RALB: variants seen among roughly 807,000 people sequenced by gnomAD.
The protein encoded by RALB is RAS like proto-oncogene B.
A neutral mutation model predicts 21.3 loss-of-function variants in RALB; 16 were observed. The ratio of observed to expected loss-of-function variants is 0.75; its 90% CI spans 0.51 to 1.14. The LOEUF (loss-of-function observed/expected upper bound fraction) is 1.14, where lower values mean the gene tolerates loss of function less well. RALB is among the 50% of genes most tolerant of loss of function. The probability of loss-of-function intolerance (pLI) is 0.00; values close to 1 mark genes in which losing one functional copy is unlikely to be tolerated. For synonymous variants in RALB, 93 were observed against 96.1 expected (o/e 0.97, Z 0.19); for missense variants, 161 against 256.2 (o/e 0.63, Z 2.54).
rs1690349464 is a variant in RALB at position 120,293,250 on chromosome 2, G to A, written c.611G>A (p.Cys204Tyr). ...AAGAAAAGTTTTAAAGAAAGATGTT[G>A]CTTACTATGAGTGTCAAGGTGACGG... ...KNKKSFKERCCLL is the reference protein window; with the variant it reads ...KNKKSFKERCYLL Residue 204 changes from cysteine (C) to tyrosine (Y), a missense_variant, in exon 5 of 5, where the codon TGC becomes TAC. Cys to Tyr is a radical substitution (Grantham distance 194). Transcript: ENST00000272519. The A allele has an allele frequency of 6.2e-7, 1 of 1,612,648 alleles. No homozygotes were observed. Among genetic ancestry groups the A allele is most frequent in the Non-Finnish European group, 8.5e-7 (1 of 1,179,190 alleles).
intron 1 of RALB, among the ~76,000 whole-genome samples, chr2:120,277,765 CAG>C (rs1283491648): frequency 2.8e-5 from 4 of 144,996 alleles, no homozygotes; most frequent in Non-Finnish European, 6.1e-5. Flanking sequence ...GCATGTATGA[CAG>C]CGTGTGCTAG....
intron 2 of RALB, 143 bp downstream of exon 2, chr2:120,278,921 A>G: frequency 1.5e-6 from 1 of 653,914 alleles, no homozygotes; most frequent in Admixed American, 4.3e-5. Flanking sequence ...ATAGCTTCCT[A>G]GGAAGGTCTA....
At chr2:120,269,198 T>C (rs1689586244) in intron 1 of RALB, among the ~76,000 whole-genome samples, 1 of 152,210 alleles carries the variant, frequency 6.6e-6, no homozygotes, top group Admixed American at 6.5e-5. Flanking sequence ...TTACAGCTCT[T>C]AAACGTGGTG....
chr2:120,245,615 G>A (rs575747110), intron 1 of RALB, among the ~76,000 whole-genome samples: 1 of 152,304 alleles, frequency 6.6e-6, no homozygotes, highest in Non-Finnish European at 1.5e-5. Flanking sequence ...AGGAGGCCTT[G>A]CTCCGGGGTG....
chr2:120,285,745 G>A (rs777634632), intron 2 of RALB, 129 bp from the exon 3 acceptor site: 135 of 707,618 alleles, frequency 1.9e-4, no homozygotes, highest in Middle Eastern at 7.9e-4. Flanking sequence ...GAACAGAAGT[G>A]TTACGTAAAA....
At chr2:120,277,697 ATG>A (rs1558953568) in intron 1 of RALB, among the ~76,000 whole-genome samples, 3 of 147,556 alleles carry the variant, frequency 2.0e-5, no homozygotes, top group East Asian at 2.0e-4. Context: ...GAAAGTGTGT[ATG>A]TGGGTGTGTG....
At chr2:120,246,305 G>T (rs1051134709) in intron 1 of RALB, among the ~76,000 whole-genome samples, 1 of 152,152 alleles carries the variant, frequency 6.6e-6, no homozygotes, top group African/African-American at 2.4e-5. Context: ...ATGGGCTTGG[G>T]AGACAGAGGG....
At chr2:120,241,238 G>T (rs1688889600) in intron 1 of RALB, among the ~76,000 whole-genome samples, 1 of 152,202 alleles carries the variant, frequency 6.6e-6, no homozygotes, top group Non-Finnish European at 1.5e-5. Flanking sequence ...TAATCCCCAA[G>T]AGCCACAAGG....
chr2:120,277,752 T>C (rs1421645374), intron 1 of RALB, among the ~76,000 whole-genome samples: 1 of 151,628 alleles, frequency 6.6e-6, no homozygotes, highest in African/African-American at 2.4e-5. Context: ...TGTGTGAATG[T>C]GAGCATGTAT....
chr2:120,274,328 T>C (rs972485316), intron 1 of RALB, among the ~76,000 whole-genome samples: 1 of 151,974 alleles, frequency 6.6e-6, no homozygotes, highest in African/African-American at 2.4e-5. Flanking sequence ...AGTTACTTGC[T>C]TAGCTCACTT....
chr2:120,289,518 C>T, intron 3 of RALB, 62 bp from the exon 4 acceptor site: 2 of 1,527,872 alleles, frequency 1.3e-6, no homozygotes, highest in African/African-American at 1.4e-5. Flanking sequence ...TAGATGGGTT[C>T]ACAAAACCAG....
chr2:120,290,103 A>G (rs922725145), intron 4 of RALB, among the ~76,000 whole-genome samples: 1 of 152,054 alleles, frequency 6.6e-6, no homozygotes, highest in Admixed American at 6.6e-5. Flanking sequence ...GGCTCAAGCA[A>G]TCCTCCTACC....
chr2:120,241,501 G>A (rs1188031234), intron 1 of RALB, among the ~76,000 whole-genome samples: 3 of 152,174 alleles, frequency 2.0e-5, no homozygotes, highest in African/African-American at 4.8e-5. Flanking sequence ...CAAGGTGGGC[G>A]GATCACCTGA....
chr2:120,269,976 T>C (rs1026653447), intron 1 of RALB, among the ~76,000 whole-genome samples: 1 of 152,264 alleles, frequency 6.6e-6, no homozygotes, highest in Non-Finnish European at 1.5e-5. Context: ...TTTATTTACA[T>C]TTCCTTGACT....
chr2:120,294,374 T>C lies in RALB; in HGVS notation c.*1114T>C, dbSNP rs1016624367. 2.5e-6 allele frequency: 1 copy of C among 398,468 alleles called. No individual in the cohort carries two copies. The highest frequency in any genetic ancestry group is 4.4e-6 in the Non-Finnish European group (1 of 226,032). 24.7% of individuals were successfully genotyped at this position (398,468 alleles called of 1,614,324 possible). A position where few individuals can be genotyped will look rare whatever the true frequency, so the allele number is the denominator to read the frequency against. On this transcript the variant is annotated 3_prime_UTR_variant, in exon 5 of 5. Coordinates refer to ENST00000272519, the MANE Select transcript of RALB (RefSeq NM_002881.3). ...TTGGCTGCTGTTTCTAATATAATTA[T>C]TTTCTAAGATAGCCAGATAGTTAGA...
chr2:120,258,171 G>A (rs10186861), intron 1 of RALB, among the ~76,000 whole-genome samples: 25,134 of 152,110 alleles, frequency 0.17, 2,812 homozygotes, highest in African/African-American at 0.31. Flanking sequence ...GCTTTCCAGT[G>A]CTTTCAGTCA....
chr2:120,258,552 G>A (rs1281080430), intron 1 of RALB, among the ~76,000 whole-genome samples: 2 of 152,366 alleles, frequency 1.3e-5, no homozygotes, highest in African/African-American at 2.4e-5. Context: ...ACAGTTTCAT[G>A]TGCAGTGTTA....
At chr2:120,260,237 A>T (rs1265651074) in intron 1 of RALB, among the ~76,000 whole-genome samples, 1 of 152,238 alleles carries the variant, frequency 6.6e-6, no homozygotes, top group Non-Finnish European at 1.5e-5. Flanking sequence ...CTCAAATGCC[A>T]CCAAAGTGGG....
chr2:120,269,232 G>A (rs572275378), intron 1 of RALB, among the ~76,000 whole-genome samples: 1 of 152,268 alleles, frequency 6.6e-6, no homozygotes, highest in Non-Finnish European at 1.5e-5. Context: ...TTCCCAAGAT[G>A]TATCCGGAGT....
Sources: allele counts gnomAD v4.1 joint callset (sites outside exome capture counted in the v4.1 genomes callset), GRCh38; gene constraint gnomAD v4.1.1; transcripts MANE v1.5; gene names NCBI Gene and HGNC (gene_info 2026-07-23, HGNC 2026-07-21).